The following PTPRM variants were observed in gnomAD, a reference collection of about 807,000 sequenced individuals.
PTPRM encodes protein tyrosine phosphatase receptor type M.
Under a neutral mutation model 186.7 loss-of-function variants are expected in PTPRM, and 47 were observed. The observed-to-expected ratio is 0.25, with a 90% CI of 0.20 to 0.32. The LOEUF (loss-of-function observed/expected upper bound fraction) is 0.32, where lower values mean the gene tolerates loss of function less well. Ranked by LOEUF, PTPRM falls within the 10% of genes least tolerant of loss-of-function variation. The pLI is 1.00. For synonymous variants in PTPRM, 668 were observed against 674.9 expected (o/e 0.99, Z 0.16); for missense variants, 1,494 against 1,865.0 (o/e 0.80, Z 3.66).
chr18:7,997,567 A>G (rs1395574380), intron 7 of PTPRM, among the ~76,000 whole-genome samples: 1 of 152,212 alleles, frequency 6.6e-6, no homozygotes, highest in African/African-American at 2.4e-5. Flanking sequence ...AGCAAAGGAG[A>G]CAATCAAGAA....
intron 19 of PTPRM, among the ~76,000 whole-genome samples, chr18:8,296,101 T>A (rs1230154429): frequency 6.6e-6 from 1 of 152,240 alleles, no homozygotes. Flanking sequence ...GTGACCATTT[T>A]TACTCGGTTA....
chr18:7,773,608 C>T lies in PTPRM; in HGVS notation c.74-541C>T, dbSNP rs1484702007. Among the ~76,000 whole-genome samples, 3 of 139,762 alleles carry T rather than the reference C, an allele frequency of 2.1e-5. No homozygotes were observed. The East Asian group carries it at 6.2e-4, about 29-fold the overall frequency. 91.7% of individuals were successfully genotyped at this position (139,762 alleles called of 152,430 possible). ...TTTTTTGTTTGTTTGTTTTTTGAGA[C>T]AGATTTTCGCCCTGTCGCCCAGGCT... is the stretch of plus-strand genomic sequence containing the variant. On this transcript the variant is annotated intron_variant, in intron 1 of 32. Transcript: ENST00000580170.
chr18:7,570,704 A>G (rs2036546035), intron 1 of PTPRM, among the ~76,000 whole-genome samples: 1 of 152,126 alleles, frequency 6.6e-6, no homozygotes, highest in Non-Finnish European at 1.5e-5. Context: ...TGTATAACTC[A>G]GACATTATCT....
At chr18:8,206,667 C>T (rs1335687091) in intron 14 of PTPRM, among the ~76,000 whole-genome samples, 4 of 152,134 alleles carry the variant, frequency 2.6e-5, no homozygotes, top group African/African-American at 9.7e-5. Flanking sequence ...AGAGGAGATG[C>T]AGATGATCAA....
chr18:7,997,052 G>A (rs7230785), intron 7 of PTPRM, among the ~76,000 whole-genome samples: 95,387 of 151,848 alleles, frequency 0.63, 30,178 homozygotes, highest in African/African-American at 0.69. Flanking sequence ...CCTGATATTC[G>A]TATGGAACCA....
At chr18:8,197,633 C>A (rs2093798092) in intron 14 of PTPRM, among the ~76,000 whole-genome samples, 1 of 152,172 alleles carries the variant, frequency 6.6e-6, no homozygotes, top group South Asian at 2.1e-4. Context: ...ATGCTGAGTT[C>A]ATAGGATTAA....
At chr18:7,822,701 G>T (rs1344261860) in intron 2 of PTPRM, among the ~76,000 whole-genome samples, 1 of 152,092 alleles carries the variant, frequency 6.6e-6, no homozygotes, top group Non-Finnish European at 1.5e-5. Flanking sequence ...CAAGGCCTCT[G>T]CGGACCTTGA....
intron 19 of PTPRM, among the ~76,000 whole-genome samples, chr18:8,260,912 T>C (rs1053042560): frequency 1.3e-5 from 2 of 152,208 alleles, no homozygotes; most frequent in African/African-American, 4.8e-5. Context: ...CACACACTTC[T>C]AGACGACTTT....
At chr18:8,098,208 T>C (rs2091105550) in intron 11 of PTPRM, among the ~76,000 whole-genome samples, 1 of 152,180 alleles carries the variant, frequency 6.6e-6, no homozygotes. Context: ...CATCATTAAG[T>C]GACTCATGAC....
chr18:8,162,389 C>T (rs2093248593), intron 14 of PTPRM, among the ~76,000 whole-genome samples: 1 of 152,222 alleles, frequency 6.6e-6, no homozygotes, highest in Non-Finnish European at 1.5e-5. Flanking sequence ...GCATGAGCTA[C>T]CGCGCCTGGC....
intron 1 of PTPRM, among the ~76,000 whole-genome samples, chr18:7,730,539 T>G (rs2040637425): frequency 6.6e-6 from 1 of 152,216 alleles, no homozygotes; most frequent in Non-Finnish European, 1.5e-5. Flanking sequence ...GGCCAAATGA[T>G]TATTCTTGGA....
rs570531514 is a variant in PTPRM, at chr18:8,306,045, G to A, written c.2843-8736G>A. On this transcript the variant is annotated intron_variant, in intron 20 of 32. Transcript: ENST00000580170. Reference sequence around the variant, plus strand: ...CCCAAGTAGCTGGGATTACAGGCGCGCATCACCACACCTGGCTAATTTTGT... The same window carrying A: ...CCCAAGTAGCTGGGATTACAGGCGCACATCACCACACCTGGCTAATTTTGT... Among the ~76,000 whole-genome samples the A allele has an allele frequency of 3.9e-5, 6 of 152,010 alleles. No individual in the cohort carries two copies. The South Asian group carries it at 1.0e-3, about 26-fold the overall frequency.
chr18:7,738,717 A>G (rs927119292), intron 1 of PTPRM, among the ~76,000 whole-genome samples: 3 of 151,798 alleles, frequency 2.0e-5, no homozygotes, highest in African/African-American at 7.3e-5. Context: ...CTGGGATTAC[A>G]GGTGTGAGCC....
intron 2 of PTPRM, among the ~76,000 whole-genome samples, chr18:7,833,481 C>A (rs543072184): frequency 6.6e-6 from 1 of 152,238 alleles, no homozygotes; most frequent in South Asian, 2.1e-4. Context: ...TGCCTGTAAT[C>A]CCAGCACTTT....
At chr18:7,587,626 A>C (rs1471196866) in intron 1 of PTPRM, among the ~76,000 whole-genome samples, 1 of 152,144 alleles carries the variant, frequency 6.6e-6, no homozygotes, top group Non-Finnish European at 1.5e-5. Context: ...TTGTTTTTTA[A>C]CTTAAAAGCA....
rs547273074 is a variant in PTPRM at position 8,278,166 on chromosome 18, G to A, written c.2755-18202G>A. 6.5e-4 allele frequency among the ~76,000 whole-genome samples: 99 copies of A among 152,320 alleles called. 4 individuals carry two copies. The South Asian group carries it at 0.02, about 31-fold the overall frequency. On this transcript the variant is annotated intron_variant, in intron 19 of 32. Transcript: ENST00000580170. The stretch of plus-strand genomic sequence containing the variant: ...GATCTCAAATGGATCTAATGAGAAA[G>A]ACATGCCTGGCATCTTTGTAAAAAT...
At chr18:7,972,352 C>T (rs1196848761) in intron 7 of PTPRM, among the ~76,000 whole-genome samples, 11 of 127,564 alleles carry the variant, frequency 8.6e-5, no homozygotes, top group Admixed American at 3.0e-4. Flanking sequence ...GGGAGATATA[C>T]CTAATGCTAG....
At chr18:7,913,313 C>A (rs1162122170) in intron 4 of PTPRM, among the ~76,000 whole-genome samples, 1 of 151,868 alleles carries the variant, frequency 6.6e-6, no homozygotes, top group East Asian at 1.9e-4. Context: ...TTTTTCCAAC[C>A]CAGGTGAATT....
At chr18:7,819,449 A>C (rs779495167) in intron 2 of PTPRM, among the ~76,000 whole-genome samples, 7 of 152,240 alleles carry the variant, frequency 4.6e-5, no homozygotes, top group African/African-American at 1.7e-4. Context: ...GTCATCAACC[A>C]GTGGAATGAC....
Sources: gnomAD v4.1 joint callset for allele counts (sites outside exome capture counted in the v4.1 genomes callset) on GRCh38, gnomAD v4.1.1 for gene constraint, MANE v1.5 for transcripts, NCBI Gene and HGNC (gene_info 2026-07-23, HGNC 2026-07-21) for gene names.